Variants in VCL observed in about 807,000 individuals in gnomAD.
The protein encoded by VCL is vinculin, also known as epididymis luminal protein 114.
Under a neutral mutation model 125.7 loss-of-function variants are expected in VCL, and 47 were observed. The ratio of observed to expected loss-of-function variants is 0.37; its 90% CI spans 0.30 to 0.48. The LOEUF (loss-of-function observed/expected upper bound fraction) is 0.48, where lower values mean the gene tolerates loss of function less well. Among genes scored for constraint, VCL ranks in the 20% least tolerant of loss-of-function variants. The pLI, the probability that VCL is intolerant of heterozygous loss-of-function variation, is 0.99. For missense variants in VCL, 1,069 were observed against 1,455.5 expected, an observed-to-expected ratio of 0.73 and a Z score of 4.32; for synonymous variants, 458 against 514.6, an observed-to-expected ratio of 0.89 and a Z score of 1.49.
At chr10:74,061,474 T>C (rs188943979) in intron 2 of VCL, among the ~76,000 whole-genome samples, 26 of 152,344 alleles carry the variant, frequency 1.7e-4, no homozygotes, top group Admixed American at 3.3e-4. Flanking sequence ...TCATTTTTTT[T>C]CCAAATTTGA....
intron 13 of VCL, among the ~76,000 whole-genome samples, chr10:74,098,772 G>C (rs1187285398): frequency 6.6e-6 from 1 of 152,092 alleles, no homozygotes; most frequent in Non-Finnish European, 1.5e-5. Context: ...TGAGTTACTA[G>C]GCAGTTCAGC....
chr10:74,072,760 A>G lies in VCL; in HGVS notation c.530A>G (p.Glu177Gly), dbSNP rs1841681688. Residue 177 changes from glutamate to glycine, a missense_variant, in exon 5 of 22, where the codon GAG (glutamate) becomes GGG (glycine). Physicochemically the swap from Glu to Gly is moderately conservative, Grantham distance 98 (BLOSUM62 -2). Around this residue, in one of 6 missense-constraint regions of VCL, gnomAD observed 760 missense variants for 928.9 expected, o/e 0.82. Transcript: ENST00000211998. ...ACTAAGATGGCCAAGATGATTGACG[A>G]GAGACAGCAGGAGCTCACTCACCAG... ...GMTKMAKMID[E>G]RQQELTHQEH... is the part of the protein sequence containing the mutation. The G allele has an allele frequency of 6.2e-7, 1 of 1,614,096 alleles. No individual in the cohort carries two copies. The highest frequency in any genetic ancestry group is 8.5e-7 in the Non-Finnish European group (1 of 1,180,006).
chr10:74,100,571 G>C (rs1401524611), intron 13 of VCL, among the ~76,000 whole-genome samples: 1 of 152,208 alleles, frequency 6.6e-6, no homozygotes, highest in Non-Finnish European at 1.5e-5. Context: ...GAGTGGGCTT[G>C]ACTGTCTTCT....
chr10:74,036,502 A>G (rs1429201065), intron 1 of VCL, among the ~76,000 whole-genome samples: 3 of 151,444 alleles, frequency 2.0e-5, no homozygotes, highest in Non-Finnish European at 4.4e-5. Flanking sequence ...GTGCCCAGCC[A>G]CTCTGTTTTT....
chr10:74,016,987 C>T (rs1373922213), intron 1 of VCL: 1 of 151,006 alleles, frequency 6.6e-6, no homozygotes, highest in Non-Finnish European at 1.5e-5. Context: ...TGGCTTATTT[C>T]ACTTAGAATA....
chr10:74,066,879 C>A (rs572292371), intron 2 of VCL, among the ~76,000 whole-genome samples: 1 of 152,102 alleles, frequency 6.6e-6, no homozygotes, highest in African/African-American at 2.4e-5. Flanking sequence ...ACCATGTTGG[C>A]CAGGCTGGTT....
chr10:74,086,914 T>C (rs1326739659), intron 8 of VCL, among the ~76,000 whole-genome samples: 1 of 152,220 alleles, frequency 6.6e-6, no homozygotes, highest in Non-Finnish European at 1.5e-5. Context: ...GTTGCTAGTA[T>C]ATATTTTTAC....
In VCL at chr10:74,119,540, G is replaced by C. The variant is rs922271959; in HGVS notation, c.*1371G>C. 2.0e-5 allele frequency: 3 copies of C among 152,176 alleles called. No individual in the cohort carries two copies. Among genetic ancestry groups the C allele is most frequent in the Non-Finnish European group, 2.9e-5 (2 of 68,032 alleles). The allele number at this position is 152,176 out of a possible 1,614,324, so 9.4% of individuals were successfully genotyped here. On this transcript the variant is annotated 3_prime_UTR_variant, in exon 22 of 22. Transcript: ENST00000211998. ...TAAGTTCCTACTAGGCAAAATGAGA[G>C]GGCAGTGTTTCCTTTTTGGTACTTA...
chr10:74,002,404 C>T (rs976698194), intron 1 of VCL, among the ~76,000 whole-genome samples: 4 of 151,126 alleles, frequency 2.6e-5, no homozygotes, highest in South Asian at 4.3e-4. Context: ...GGATTACAGG[C>T]GTGAGCCACC....
intron 2 of VCL, among the ~76,000 whole-genome samples, chr10:74,050,007 G>A (rs776490028): frequency 1.3e-5 from 2 of 152,184 alleles, no homozygotes; most frequent in Non-Finnish European, 2.9e-5. Context: ...CTGCAATGGA[G>A]CAGAAATGAA....
intron 1 of VCL, among the ~76,000 whole-genome samples, chr10:74,009,741 C>T (rs1040831703): frequency 6.6e-6 from 1 of 151,912 alleles, no homozygotes; most frequent in African/African-American, 2.4e-5. Context: ...TCCCAAGTAG[C>T]TGGGACTACA....
At chr10:74,019,478 A>C (rs1253016105) in intron 1 of VCL, among the ~76,000 whole-genome samples, 2 of 152,136 alleles carry the variant, frequency 1.3e-5, no homozygotes, top group African/African-American at 2.4e-5. Context: ...CTGATGTATA[A>C]AATTTTGGTA....
intron 1 of VCL, among the ~76,000 whole-genome samples, chr10:74,019,700 T>A (rs1840625172): frequency 6.6e-6 from 1 of 152,224 alleles, no homozygotes; most frequent in South Asian, 2.1e-4. Context: ...GACTCATTAT[T>A]ACTTAATTTA....
chr10:74,038,973 G>A (rs1841038279), intron 1 of VCL, among the ~76,000 whole-genome samples: 4 of 151,678 alleles, frequency 2.6e-5, no homozygotes. Context: ...GTACAGTGGC[G>A]CGATCTTGGC....
chr10:74,106,849 G>T (rs1403803297), intron 16 of VCL, among the ~76,000 whole-genome samples: 2 of 152,210 alleles, frequency 1.3e-5, no homozygotes, highest in Non-Finnish European at 2.9e-5. Context: ...TTCAGGGAAT[G>T]TATGTCCAAT....
chr10:74,060,439 G>A (rs193028188), intron 2 of VCL, among the ~76,000 whole-genome samples: 25 of 152,134 alleles, frequency 1.6e-4, no homozygotes, highest in Admixed American at 6.5e-4. Flanking sequence ...GATCACTTGA[G>A]GTCAGGAGTT....
intron 10 of VCL, among the ~76,000 whole-genome samples, chr10:74,091,791 C>CAAAAAAAAAAAAAAAAAA (rs545539526): frequency 1.1e-4 from 7 of 61,100 alleles, no homozygotes; most frequent in Admixed American, 3.0e-4. Flanking sequence ...TCTGTCTCAG[C>CAAAAAAAAAAAAAAAAAA]AAAAAAAAAA....
intron 1 of VCL, among the ~76,000 whole-genome samples, chr10:74,016,375 C>G (rs1840539155): frequency 6.6e-6 from 1 of 152,080 alleles, no homozygotes; most frequent in Non-Finnish European, 1.5e-5. Flanking sequence ...CTTTGGGAGG[C>G]TGAGGCAGGC....
chr10:74,075,075 G>A (rs1839560297), intron 6 of VCL, 172 bp downstream of exon 6: 2 of 854,716 alleles, frequency 2.3e-6, no homozygotes, highest in Admixed American at 2.6e-5. Flanking sequence ...TGCTATCTTT[G>A]CTAATTTCCT....
Sources: allele counts gnomAD v4.1 joint callset (sites outside exome capture counted in the v4.1 genomes callset), GRCh38; gene constraint gnomAD v4.1.1; regional missense constraint gnomAD v4.1.1; transcripts MANE v1.5; gene names NCBI Gene and HGNC (gene_info 2026-07-23, HGNC 2026-07-21).